Variants in OR4Q3 observed in about 807,000 individuals in gnomAD.
OR4Q3 encodes the protein olfactory receptor 4Q3.
Under a neutral mutation model 18.8 loss-of-function variants are expected in OR4Q3, and 17 were observed. That is an observed-to-expected ratio of 0.91 (90% confidence interval 0.62 to 1.36). The LOEUF is 1.36. OR4Q3 is among the 40% of genes most tolerant of loss of function. The probability of loss-of-function intolerance (pLI) is 0.00; values close to 1 mark genes in which losing one functional copy is unlikely to be tolerated. For missense variants in OR4Q3, 378 were observed against 373.4 expected (o/e 1.01, Z -0.10); for synonymous variants, 158 against 145.8 (o/e 1.08, Z -0.60).
exon 2 of OR4Q3, chr14:19,748,285 C>T: frequency 1.4e-6 from 2 of 1,463,330 alleles, no homozygotes; most frequent in Non-Finnish European, 9.1e-7. Flanking sequence ...TGAACCCCCT[C>T]ATCTACACAC....
exon 2 of OR4Q3, chr14:19,748,272 T>A: frequency 6.4e-7 from 1 of 1,565,328 alleles, no homozygotes; most frequent in Non-Finnish European, 8.7e-7. Flanking sequence ...ATTACACCTA[T>A]GTTGAACCCC....
exon 2 of OR4Q3, chr14:19,748,392 TG>T: frequency 6.5e-7 from 1 of 1,529,100 alleles, no homozygotes; most frequent in East Asian, 2.3e-5. Context: ...AGAGGTGATT[TG>T]AAAAACACAC....
chr14:19,750,527 G>T, downstream of OR4Q3, among the ~76,000 whole-genome samples: 14 of 152,114 alleles, frequency 9.2e-5, no homozygotes, highest in Admixed American at 9.2e-4. Context: ...AGGCTTTTAT[G>T]ATTACTTAGC....
At chr14:19,745,876 A>G in intron 1 of OR4Q3, among the ~76,000 whole-genome samples, 1 of 152,136 alleles carries the variant, frequency 6.6e-6, no homozygotes, top group Non-Finnish European at 1.5e-5. Context: ...TCCTTCTATC[A>G]GTTATGAGAT....
At chr14:19,750,164 TAGTAAAG>T, downstream of OR4Q3, among the ~76,000 whole-genome samples, 1 of 152,128 alleles carries the variant, frequency 6.6e-6, no homozygotes, top group Admixed American at 6.6e-5. Flanking sequence ...TTTGTATTTT[TAGTAAAG>T]ACGGGGTTTC....
At chr14:19,745,820 T>A in intron 1 of OR4Q3, among the ~76,000 whole-genome samples, 2 of 152,198 alleles carry the variant, frequency 1.3e-5, no homozygotes, top group Non-Finnish European at 2.9e-5. Flanking sequence ...AACTTGTATT[T>A]CTTTCTTTGT....
At chr14:19,748,949 G>C in exon 2 of OR4Q3, 1 of 153,672 alleles carries the variant, frequency 6.5e-6, no homozygotes, top group Non-Finnish European at 1.4e-5. Context: ...ATGAACATAT[G>C]CTCTTAACAA....
At chr14:19,748,604 C>T in exon 2 of OR4Q3, 3 of 485,016 alleles carry the variant, frequency 6.2e-6, no homozygotes, top group South Asian at 3.7e-5. Context: ...AATTTACTGG[C>T]CACAAACGAT....
intron 1 of OR4Q3, among the ~76,000 whole-genome samples, chr14:19,744,631 T>C (rs1169409136): frequency 2.0e-5 from 3 of 152,182 alleles, no homozygotes; most frequent in East Asian, 1.9e-4. Flanking sequence ...TTTTGGCTCA[T>C]TTTGTGTACT....
At chr14:19,749,712 A>T, downstream of OR4Q3, among the ~76,000 whole-genome samples, 1 of 147,960 alleles carries the variant, frequency 6.8e-6, no homozygotes, top group Non-Finnish European at 1.5e-5. Context: ...AATTATACAG[A>T]TTGCTTCTTT....
chr14:19,745,364 T>C, intron 1 of OR4Q3, among the ~76,000 whole-genome samples: 2 of 152,220 alleles, frequency 1.3e-5, no homozygotes, highest in African/African-American at 4.8e-5. Flanking sequence ...TTTAATATTG[T>C]CTGTTTTAGT....
chr14:19,747,785 G>A, exon 2 of OR4Q3: 8 of 1,613,874 alleles, frequency 5.0e-6, no homozygotes, highest in Middle Eastern at 1.6e-4. Flanking sequence ...GACAGTCATG[G>A]CCTATGACAG....
chr14:19,750,274 G>A, downstream of OR4Q3, among the ~76,000 whole-genome samples: 1 of 152,132 alleles, frequency 6.6e-6, no homozygotes, highest in Non-Finnish European at 1.5e-5. Context: ...CATGAGCCAC[G>A]ACACCCGGCC....
downstream of OR4Q3, among the ~76,000 whole-genome samples, chr14:19,752,228 C>G: frequency 6.6e-6 from 1 of 152,194 alleles, no homozygotes; most frequent in African/African-American, 2.4e-5. Flanking sequence ...AGAGGGGAAA[C>G]AGACAACTTA....
intron 1 of OR4Q3, among the ~76,000 whole-genome samples, chr14:19,746,391 T>A: frequency 1.3e-5 from 2 of 152,176 alleles, no homozygotes; most frequent in African/African-American, 4.8e-5. Context: ...AAAATGGATC[T>A]AACAATATCT....
intron 1 of OR4Q3, among the ~76,000 whole-genome samples, chr14:19,746,848 G>A: frequency 1.4e-4 from 22 of 152,218 alleles, no homozygotes; most frequent in Admixed American, 1.3e-4. Flanking sequence ...CTGCTATGCA[G>A]TAAGTATTGT....
chr14:19,751,533 GTT>G, downstream of OR4Q3, among the ~76,000 whole-genome samples: 17,908 of 144,892 alleles, frequency 0.12, 531 homozygotes, highest in South Asian at 0.23. Flanking sequence ...GGTTAGTAGA[GTT>G]TTTTTTTTTT....
exon 2 of OR4Q3, chr14:19,748,179 T>C: frequency 6.2e-7 from 1 of 1,614,136 alleles, no homozygotes; most frequent in Non-Finnish European, 8.5e-7. Flanking sequence ...GTCAGCCTGA[T>C]CTTCGTGCCA....
chr14:19,744,340 C>T (rs1425451966), intron 1 of OR4Q3, among the ~76,000 whole-genome samples: 1 of 152,146 alleles, frequency 6.6e-6, no homozygotes, highest in African/African-American at 2.4e-5. Flanking sequence ...CATTTAGCTC[C>T]ACACAGACCA....
Sources: allele counts gnomAD v4.1 joint callset (sites outside exome capture counted in the v4.1 genomes callset), GRCh38; gene constraint gnomAD v4.1.1; transcripts MANE v1.5; gene names NCBI Gene and HGNC (gene_info 2026-07-23, HGNC 2026-07-21).